HDAC8: variants seen among roughly 807,000 people sequenced by gnomAD.
HDAC8 encodes histone deacetylase 8, also known as histone deacetylase-like 1.
A neutral mutation model predicts 32.2 loss-of-function variants in HDAC8; 1 was observed. That is an observed-to-expected ratio of 0.03 (90% CI 0.01 to 0.15). The LOEUF is 0.15. Ranked by LOEUF, HDAC8 falls within the 10% of genes least tolerant of loss-of-function variation. The pLI, the probability that HDAC8 is intolerant of heterozygous loss-of-function variation, is 1.00. For missense variants in HDAC8, 117 were observed against 300.0 expected (o/e 0.39, Z 4.51); for synonymous variants, 108 against 113.9 (o/e 0.95, Z 0.33).
rs782607258 is a variant in HDAC8 at position 72,572,630 on chromosome X, T to G, written c.111+21A>C. 3 of 350,429 alleles carry G rather than the reference T, an allele frequency of 8.6e-6. No individual in the cohort carries two copies. In the African/African-American group the frequency reaches 1.0e-4, roughly 12 times the overall value. The allele number at this position is 350,429 out of a possible 1,213,427, so 28.9% of individuals were successfully genotyped here. A position where few individuals can be genotyped will look rare whatever the true frequency, so the allele number is the denominator to read the frequency against. On this transcript the variant is annotated intron_variant, in intron 1 of 10. Coordinates refer to ENST00000373573, the MANE Select transcript of HDAC8 (RefSeq NM_018486.3). ...ACCCCCACCCCCAAAGCCCATGGTC[T>G]TTCATCCCGACTTCCCTTACCCGTT...
chrX:72,393,160 G>C (rs1432943853), intron 9 of HDAC8, among the ~76,000 whole-genome samples: 1 of 112,039 alleles, frequency 8.9e-6, no homozygotes, highest in Admixed American at 9.5e-5. Flanking sequence ...AATTTGAGCA[G>C]TAAAATACTG....
intron 10 of HDAC8, among the ~76,000 whole-genome samples, chrX:72,338,357 C>A (rs781880587): frequency 9.9e-5 from 11 of 110,729 alleles, no homozygotes; most frequent in African/African-American, 3.3e-4. Flanking sequence ...AAAGCTTGGT[C>A]ATTGCTCTTA....
intron 5 of HDAC8, among the ~76,000 whole-genome samples, chrX:72,494,938 G>T (rs1271970790): frequency 9.0e-6 from 1 of 111,573 alleles, no homozygotes; most frequent in East Asian, 2.8e-4. Context: ...CTAGAGGCTT[G>T]CTACAGGAGG....
chrX:72,366,237 C>A (rs1164426100), intron 9 of HDAC8, among the ~76,000 whole-genome samples: 2 of 111,988 alleles, frequency 1.8e-5, no homozygotes, highest in Non-Finnish European at 3.8e-5. Flanking sequence ...CGGCTCCCCA[C>A]TGACTGCAGG....
intron 10 of HDAC8, among the ~76,000 whole-genome samples, chrX:72,330,365 C>A (rs1050428628): frequency 9.0e-6 from 1 of 111,345 alleles, no homozygotes; most frequent in African/African-American, 3.3e-5. Flanking sequence ...CCAGCCAGAA[C>A]CAGAAGAGCC....
At chrX:72,506,550 C>T (rs782370832) in intron 4 of HDAC8, among the ~76,000 whole-genome samples, 2 of 112,131 alleles carry the variant, frequency 1.8e-5, no homozygotes, top group African/African-American at 6.5e-5. Flanking sequence ...TCACTCACTT[C>T]TGCAGGAGGG....
At chrX:72,418,680 T>C (rs1230127871) in intron 9 of HDAC8, among the ~76,000 whole-genome samples, 1 of 112,009 alleles carries the variant, frequency 8.9e-6, no homozygotes, top group East Asian at 2.8e-4. Flanking sequence ...CTCCCATTAT[T>C]GGGTATATAC....
chrX:72,461,983 A>G (rs1555991874), intron 9 of HDAC8, 21 bp downstream of exon 9: 1 of 1,124,937 alleles, frequency 8.9e-7, no homozygotes, highest in Non-Finnish European at 1.2e-6. Flanking sequence ...AGAAGAGAGG[A>G]CTTGTCAGAG....
At chrX:72,352,066 C>T (rs782581865) in intron 9 of HDAC8, among the ~76,000 whole-genome samples, 18 of 111,964 alleles carry the variant, frequency 1.6e-4, no homozygotes, top group South Asian at 3.8e-4. Flanking sequence ...TGCTGTCCAA[C>T]GGTCTCTCTG....
At chrX:72,511,405 T>C (rs975300812) in intron 4 of HDAC8, among the ~76,000 whole-genome samples, 1 of 111,707 alleles carries the variant, frequency 9.0e-6, no homozygotes, top group Non-Finnish European at 1.9e-5. Context: ...TTGATGGAAA[T>C]TGTGCCGGCT....
chrX:72,458,358 C>T (rs967637064), intron 9 of HDAC8, among the ~76,000 whole-genome samples: 2 of 112,302 alleles, frequency 1.8e-5, no homozygotes, highest in East Asian at 2.8e-4. Flanking sequence ...ATTTTATGAG[C>T]GCTATACTTG....
At chrX:72,489,267 T>C (rs782192204) in intron 6 of HDAC8, 2 of 481,775 alleles carry the variant, frequency 4.2e-6, no homozygotes, top group Non-Finnish European at 7.5e-6. Context: ...TTAACTCCTT[T>C]GCTTGGCTTC....
At chrX:72,441,276 G>C (rs2047135262) in intron 9 of HDAC8, among the ~76,000 whole-genome samples, 1 of 112,523 alleles carries the variant, frequency 8.9e-6, no homozygotes, top group Non-Finnish European at 1.9e-5. Flanking sequence ...GCCTAACTGG[G>C]AGGGACCTCC....
chrX:72,423,930 T>C (rs1484924015), intron 9 of HDAC8, among the ~76,000 whole-genome samples: 3 of 111,998 alleles, frequency 2.7e-5, no homozygotes, highest in African/African-American at 9.7e-5. Context: ...CTCTCCTGCA[T>C]TGGAGCATCT....
At chrX:72,497,343 T>C (rs782176625) in intron 4 of HDAC8, among the ~76,000 whole-genome samples, 41 of 111,876 alleles carry the variant, frequency 3.7e-4, no homozygotes, top group Non-Finnish European at 7.3e-4. Flanking sequence ...ATAATAAGTG[T>C]TTAGATAAAT....
At chrX:72,446,467 T>G (rs1555984874) in intron 9 of HDAC8, among the ~76,000 whole-genome samples, 2 of 109,456 alleles carry the variant, frequency 1.8e-5, no homozygotes, top group Admixed American at 9.8e-5. Context: ...TTCTCACTCA[T>G]AGGTGGGAAT....
chrX:72,477,383 C>T (rs1391293391), intron 7 of HDAC8, among the ~76,000 whole-genome samples: 1 of 112,122 alleles, frequency 8.9e-6, no homozygotes, highest in Non-Finnish European at 1.9e-5. Context: ...TTTCTACCTT[C>T]CTTATATAAC....
At chrX:72,527,772 CTTTTTTT>C (rs1157041190) in intron 4 of HDAC8, among the ~76,000 whole-genome samples, 2 of 89,536 alleles carry the variant, frequency 2.2e-5, no homozygotes, top group African/African-American at 8.2e-5. Flanking sequence ...TTTCTGACCT[CTTTTTTT>C]TTTTTTTTTT....
At chrX:72,441,029 G>C (rs781996996) in intron 9 of HDAC8, among the ~76,000 whole-genome samples, 13 of 113,164 alleles carry the variant, frequency 1.1e-4, no homozygotes, top group Admixed American at 6.5e-4. Context: ...CAAAGCAGTC[G>C]GGAAGCTCGA....
Sources: allele counts gnomAD v4.1 joint callset (sites outside exome capture counted in the v4.1 genomes callset), GRCh38; gene constraint gnomAD v4.1.1; transcripts MANE v1.5; gene names NCBI Gene and HGNC (gene_info 2026-07-23, HGNC 2026-07-21).